The following ZNF234 variants were observed in gnomAD, a reference collection of about 807,000 sequenced individuals.
ZNF234 encodes the protein zinc finger protein 234.
ZNF234 carries 4 observed loss-of-function variants against 10.3 expected under a neutral mutation model. The observed-to-expected ratio is 0.39, with a 90% CI of 0.19 to 0.89. The LOEUF (loss-of-function observed/expected upper bound fraction) is 0.89. Among genes scored for constraint, ZNF234 ranks in the 40% least tolerant of loss-of-function variants. ZNF234 has a pLI of 0.38. For missense variants in ZNF234, 711 were observed against 836.1 expected (o/e 0.85, Z 1.85); for synonymous variants, 258 against 280.1 (o/e 0.92, Z 0.79).
At position 44,157,511 on chromosome 19, in the gene ZNF234, C is replaced by G; in HGVS notation, c.1495C>G (p.Leu499Val). 1 of 1,613,832 alleles carries G rather than the reference C, an allele frequency of 6.2e-7. No individual in the cohort carries two copies. The highest frequency in any genetic ancestry group is 1.1e-5 in the South Asian group (1 of 91,048). ...CGKGFSRRAD[L>V]KIHCRIHTGE... ...AAAGGGATTTAGTCGTAGAGCAGAT[C>G]TTAAAATTCATTGTAGGATCCACAC... Residue 499 changes from leucine (L) to valine (V), a missense_variant, in exon 6 of 6, where the codon CTT (leucine) becomes GTT (valine). By Grantham distance (32) the Leu-to-Val change is conservative. Transcript: ENST00000426739.
rs543447169 is a variant in ZNF234, at chr19:44,153,211, C to T, written c.235+2706C>T. On this transcript the variant is annotated intron_variant, in intron 5 of 5. Transcript: ENST00000426739. ...ATATATGCGCCAAGAGTTACATACT[C>T]TCCTATGAATATTTTCCCAAGGTGT... Among the ~76,000 whole-genome samples, 33 of 126,484 alleles carry T rather than the reference C, an allele frequency of 2.6e-4. 1 individual carries two copies. The highest frequency in any genetic ancestry group is 8.9e-4 in the African/African-American group (30 of 33,526). The allele number at this position is 126,484 out of a possible 152,430, so 83.0% of individuals were successfully genotyped here.
chr19:44,151,493 G>A (rs1283247354), intron 5 of ZNF234, among the ~76,000 whole-genome samples: 2 of 152,190 alleles, frequency 1.3e-5, no homozygotes, highest in African/African-American at 2.4e-5. Flanking sequence ...CACTGTGCCC[G>A]ACCTGGACAC....
At chr19:44,156,203 GA>G in intron 5 of ZNF234, 48 bp from the exon 6 acceptor site, 1 of 1,505,108 alleles carries the variant, frequency 6.6e-7, no homozygotes, top group South Asian at 1.4e-5. Flanking sequence ...ATGACATCTT[GA>G]AAACTTTTAA....
chr19:44,144,560 T>G lies in ZNF234; in HGVS notation c.-73T>G, dbSNP rs78778792. On this transcript the variant is annotated 5_prime_UTR_variant, in exon 3 of 6. Coordinates refer to ENST00000426739, the MANE Select transcript of ZNF234 (RefSeq NM_006630.3). Reference sequence around the variant, plus strand: ...TCTCTTTTTGTGTCTTCCATAGTGTTCCAGGCACGATTCTGCCTTCTCTCA... The same window carrying G: ...TCTCTTTTTGTGTCTTCCATAGTGTGCCAGGCACGATTCTGCCTTCTCTCA... 0.027 allele frequency: 37,799 copies of G among 1,394,500 alleles called. 647 individuals carry two copies. The highest frequency in any genetic ancestry group is 0.032 in the Non-Finnish European group (33,365 of 1,043,902). The allele number at this position is 1,394,500 out of a possible 1,614,324, so 86.4% of individuals were successfully genotyped here.
intron 5 of ZNF234, among the ~76,000 whole-genome samples, chr19:44,156,048 T>C (rs943628687): frequency 5.3e-5 from 8 of 152,238 alleles, no homozygotes; most frequent in African/African-American, 1.9e-4. Flanking sequence ...TGGTATGGTC[T>C]AATGCCTGGT....
At position 44,157,054 on chromosome 19, in the gene ZNF234, T is replaced by A. The variant is rs1347925569; in HGVS notation, c.1038T>A (p.Cys346Ter). Residue 346 changes from cysteine (C) to a stop codon, truncating the protein, a stop_gained, in exon 6 of 6, where the codon TGT (cysteine) becomes TGA (stop). Coordinates refer to ENST00000426739, the MANE Select transcript of ZNF234 (RefSeq NM_006630.3). LOFTEE classifies it low-confidence loss of function (END_TRUNC). ...RVHTGEKPYKCEECGKCFIQP... is the reference protein window; with the variant it reads ...RVHTGEKPYK ...ACACAGGAGAGAAACCTTACAAGTGTGAAGAATGTGGTAAGTGCTTTATTC... is the reference window on the plus strand; with the variant it reads ...ACACAGGAGAGAAACCTTACAAGTGAGAAGAATGTGGTAAGTGCTTTATTC... 5 of 1,614,078 alleles carry A rather than the reference T, an allele frequency of 3.1e-6. No homozygotes were observed. In the African/African-American group the frequency reaches 6.7e-5, roughly 22 times the overall value.
Position 44,156,378 on chromosome 19 carries a change from T to C in ZNF234, c.362T>C (p.Ile121Thr). The change falls in exon 6 of 6, where the codon ATT becomes ACT. Residue 121 changes from isoleucine (I) to threonine (T), a missense_variant. Coordinates refer to ENST00000426739, the MANE Select transcript of ZNF234 (RefSeq NM_006630.3). ...LIKYEDSMIS[I>T]SRFPRQGDLS... Reference sequence around the variant, plus strand: ...AAGTATGAAGACTCTATGATAAGTATTTCTCGGTTCCCCAGACAAGGTGAT... The same window carrying C: ...AAGTATGAAGACTCTATGATAAGTACTTCTCGGTTCCCCAGACAAGGTGAT... The C allele has an allele frequency of 2.5e-6, 4 of 1,613,616 alleles. No homozygotes were observed. The highest frequency in any genetic ancestry group is 3.4e-6 in the Non-Finnish European group (4 of 1,179,736).
intron 5 of ZNF234, 138 bp from the exon 6 acceptor site, chr19:44,156,114 C>T (rs572533678): frequency 1.4e-6 from 1 of 712,210 alleles, no homozygotes; most frequent in Admixed American, 3.4e-5. Flanking sequence ...AATCAGAGAT[C>T]ATGATACACA....
chr19:44,154,631 T>TCC lies in ZNF234; in HGVS notation c.236-1621_236-1620insCC, dbSNP rs1555779857. ...AGGTAGATTTTTTTCTCTTTTTCTT[T>TCC]TTTTTTTTTTTTTTTTTTTGAGACA... On this transcript the variant is annotated intron_variant, in intron 5 of 5. Transcript: ENST00000426739. Among the ~76,000 whole-genome samples the TCC allele has an allele frequency of 4.6e-3, 508 of 110,656 alleles. 4 individuals carry two copies. The highest frequency in any genetic ancestry group is 0.02 in the African/African-American group (489 of 24,650). 72.6% of individuals were successfully genotyped at this position (110,656 alleles called of 152,430 possible). A position where few individuals can be genotyped will look rare whatever the true frequency, so the allele number is the denominator to read the frequency against.
In ZNF234 at chr19:44,158,143, A is replaced by G. The variant is rs766612161; in HGVS notation, c.*24A>G. 5.1e-6 allele frequency: 8 copies of G among 1,580,900 alleles called. No homozygotes were observed. The highest frequency in any genetic ancestry group is 4.3e-6 in the Non-Finnish European group (5 of 1,169,102). Reference sequence around the variant, plus strand: ...GATTAAAAAAAAAAAAACAGAACTCATGTACAACCTGAATGCTTGTAATTA... The same window carrying G: ...GATTAAAAAAAAAAAAACAGAACTCGTGTACAACCTGAATGCTTGTAATTA... On this transcript the variant is annotated 3_prime_UTR_variant, in exon 6 of 6. Transcript: ENST00000426739.
chr19:44,154,464 A>G (rs1968825618), intron 5 of ZNF234, among the ~76,000 whole-genome samples: 1 of 152,224 alleles, frequency 6.6e-6, no homozygotes. Context: ...TTTAGTCAGT[A>G]TGTGGTTAGG....
rs1371043641 is a variant in ZNF234 at position 44,157,799 on chromosome 19, C to A, written c.1783C>A (p.Pro595Thr). The change falls in exon 6 of 6, where the codon CCC (proline) becomes ACC (threonine). Residue 595 changes from proline (P) to threonine (T), a missense_variant. Transcript: ENST00000426739. ...MHQRVHTGEK[P>T]YTCGECGKHF... ...TCAGAGGGTGCACACAGGAGAAAAA[C>A]CCTATACATGTGGGGAGTGTGGGAA... 1.9e-6 allele frequency: 3 copies of A among 1,613,812 alleles called. No individual in the cohort carries two copies. The highest frequency in any genetic ancestry group is 1.7e-6 in the Non-Finnish European group (2 of 1,179,900).
intron 3 of ZNF234, among the ~76,000 whole-genome samples, chr19:44,147,426 C>G (rs1968626188): frequency 6.6e-6 from 1 of 151,468 alleles, no homozygotes. Context: ...TTTGTAGAGA[C>G]AGGGTCTCAC....
chr19:44,153,165 C>CATATATATATATATATATATATATATAT lies in ZNF234; in HGVS notation c.235+2686_235+2687insATATATATATATATATATATATATATAT, dbSNP rs10528022. Among the ~76,000 whole-genome samples the CATATATATATATATATATATATATATAT allele has an allele frequency of 1.0e-3, 101 of 97,806 alleles. 3 individuals are homozygous for CATATATATATATATATATATATATATAT. Among genetic ancestry groups the CATATATATATATATATATATATATATAT allele is most frequent in the Non-Finnish European group, 1.4e-3 (69 of 50,486 alleles). 64.2% of individuals were successfully genotyped at this position (97,806 alleles called of 152,430 possible). On this transcript the variant is annotated intron_variant, in intron 5 of 5. Transcript: ENST00000426739. The stretch of plus-strand genomic sequence containing the variant: ...TTGTTAAATCTAATCATGTATTCAT[C>CATATATATATATATATATATATATATAT]ATATATATATATATATATATATATA...
chr19:44,142,740 A>T (rs1306291514), intron 2 of ZNF234, among the ~76,000 whole-genome samples: 1 of 152,208 alleles, frequency 6.6e-6, no homozygotes, highest in African/African-American at 2.4e-5. Flanking sequence ...AAAACTGTCA[A>T]CTATTTTGTT....
intron 4 of ZNF234, chr19:44,149,917 A>G (rs1393479605): frequency 6.6e-6 from 1 of 152,346 alleles, no homozygotes; most frequent in Non-Finnish European, 1.5e-5. Flanking sequence ...CCCGCTGACT[A>G]TACAGAGGAC....
rs1968962090 is a variant in ZNF234 at position 44,158,300 on chromosome 19, C to T, written c.*181C>T. On this transcript the variant is annotated 3_prime_UTR_variant, in exon 6 of 6. Coordinates refer to ENST00000426739, the MANE Select transcript of ZNF234 (RefSeq NM_006630.3). Reference sequence around the variant, plus strand: ...TTGAAACAGAATCTCGCTCTGTTGCCCATGCTGGATGCAGTGGTGCTATCT... The same window carrying T: ...TTGAAACAGAATCTCGCTCTGTTGCTCATGCTGGATGCAGTGGTGCTATCT... 1 of 689,634 alleles carries T rather than the reference C, an allele frequency of 1.5e-6. No individual in the cohort carries two copies. Among genetic ancestry groups the T allele is most frequent in the Non-Finnish European group, 2.5e-6 (1 of 400,908 alleles). The allele number at this position is 689,634 out of a possible 1,614,324, so 42.7% of individuals were successfully genotyped here.
In ZNF234 at chr19:44,148,875, C is replaced by T; in HGVS notation, c.120C>T (p.Asn40=). The change falls in exon 4 of 6, where the codon AAC becomes AAT. Residue 40 remains asparagine, a synonymous_variant. Coordinates refer to ENST00000426739, the MANE Select transcript of ZNF234 (RefSeq NM_006630.3). ...TGTACCAAGATGTGATGCTGGAGAA[C>T]TTCAGGAACCTGCTGTCAGTGGGTG... ...RNLYQDVMLE[N]FRNLLSVGHH... 1 of 1,613,840 alleles carries T rather than the reference C, an allele frequency of 6.2e-7. No individual in the cohort carries two copies. The highest frequency in any genetic ancestry group is 1.1e-5 in the South Asian group (1 of 91,066).
Position 44,159,451 on chromosome 19 carries a change from G to A in ZNF234, c.*1332G>A. 3.5e-6 allele frequency: 1 copy of A among 285,602 alleles called. No individual in the cohort carries two copies. The highest frequency in any genetic ancestry group is 3.5e-5 in the Admixed American group (1 of 28,896). 17.7% of individuals were successfully genotyped at this position (285,602 alleles called of 1,614,324 possible). A position where few individuals can be genotyped will look rare whatever the true frequency, so the allele number is the denominator to read the frequency against. ...CTTGGCCTCCCAGTGTTAAATTACAGGCGTAAGCCACCACACCCGGCCAAG... is the reference window on the plus strand; with the variant it reads ...CTTGGCCTCCCAGTGTTAAATTACAAGCGTAAGCCACCACACCCGGCCAAG... On this transcript the variant is annotated 3_prime_UTR_variant, in exon 6 of 6. Coordinates refer to ENST00000426739, the MANE Select transcript of ZNF234 (RefSeq NM_006630.3).
Sources: gnomAD v4.1 joint callset for allele counts (sites outside exome capture counted in the v4.1 genomes callset) on GRCh38, gnomAD v4.1.1 for gene constraint, MANE v1.5 for transcripts, NCBI Gene and HGNC (gene_info 2026-07-23, HGNC 2026-07-21) for gene names.